Variants in COMMD1 observed in about 807,000 individuals in gnomAD.
The protein encoded by COMMD1 is copper metabolism domain containing 1.
In COMMD1, 10 loss-of-function variants were observed where a neutral mutation model predicts 17.2. That is an observed-to-expected ratio of 0.58 (90% CI 0.36 to 0.99). The LOEUF (loss-of-function observed/expected upper bound fraction) is 0.99. Among genes scored for constraint, COMMD1 ranks in the 50% least tolerant of loss-of-function variants. The pLI is 0.01. For missense variants in COMMD1, 270 were observed against 231.8 expected (o/e 1.17, Z -1.07); for synonymous variants, 97 against 91.6 (o/e 1.06, Z -0.34).
At chr2:62,068,267 C>T (rs1344350853) in intron 2 of COMMD1, among the ~76,000 whole-genome samples, 1 of 152,142 alleles carries the variant, frequency 6.6e-6, no homozygotes, top group East Asian at 1.9e-4. Flanking sequence ...GACCTTGAAC[C>T]ACATACGAAC....
intron 2 of COMMD1, among the ~76,000 whole-genome samples, chr2:62,126,461 C>T (rs1167745631): frequency 6.6e-6 from 1 of 152,186 alleles, no homozygotes; most frequent in Non-Finnish European, 1.5e-5. Context: ...TAATAATTGC[C>T]ATTCTGACTG....
chr2:61,937,158 A>G (rs1406434610), intron 1 of COMMD1, among the ~76,000 whole-genome samples: 2 of 152,230 alleles, frequency 1.3e-5, no homozygotes, highest in East Asian at 1.9e-4. Flanking sequence ...AGCAGACTTT[A>G]TAGAAAATAG....
At chr2:62,009,903 G>A (rs1669231215) in intron 2 of COMMD1, among the ~76,000 whole-genome samples, 1 of 152,122 alleles carries the variant, frequency 6.6e-6, no homozygotes, top group African/African-American at 2.4e-5. Flanking sequence ...TGAAATACTT[G>A]TAGTAACTAG....
intron 1 of COMMD1, among the ~76,000 whole-genome samples, chr2:61,892,995 G>C (rs1238784518): frequency 1.3e-5 from 2 of 151,816 alleles, no homozygotes; most frequent in Non-Finnish European, 2.9e-5. Context: ...AACCTCCCGA[G>C]TAGCTGGGAC....
chr2:62,035,028 A>T (rs1200097663), intron 2 of COMMD1, among the ~76,000 whole-genome samples: 1 of 152,214 alleles, frequency 6.6e-6, no homozygotes, highest in Non-Finnish European at 1.5e-5. Flanking sequence ...TCTGTGAAGC[A>T]TGTAGGAAGT....
At chr2:62,127,816 G>C (rs1291489806) in intron 2 of COMMD1, among the ~76,000 whole-genome samples, 1 of 150,496 alleles carries the variant, frequency 6.6e-6, no homozygotes, top group African/African-American at 2.5e-5. Context: ...TTGAGGTCAA[G>C]AGTTTGAGAC....
intron 1 of COMMD1, among the ~76,000 whole-genome samples, chr2:61,911,677 C>T (rs1669911845): frequency 6.6e-6 from 1 of 152,126 alleles, no homozygotes; most frequent in African/African-American, 2.4e-5. Context: ...CATATAGTGG[C>T]CTTCCTGTTC....
At chr2:61,973,238 C>A (rs1174037903) in intron 1 of COMMD1, among the ~76,000 whole-genome samples, 1 of 152,132 alleles carries the variant, frequency 6.6e-6, no homozygotes, top group Admixed American at 6.5e-5. Flanking sequence ...AACTCCTAGT[C>A]CCTAGGTACA....
At chr2:61,983,863 T>G (rs1672025712) in intron 1 of COMMD1, among the ~76,000 whole-genome samples, 1 of 152,224 alleles carries the variant, frequency 6.6e-6, no homozygotes, top group Admixed American at 6.5e-5. Flanking sequence ...ATTTCTTTGC[T>G]TCTACTGACT....
intron 2 of COMMD1, among the ~76,000 whole-genome samples, chr2:62,112,247 G>A (rs1180822024): frequency 1.3e-5 from 2 of 152,208 alleles, no homozygotes; most frequent in Non-Finnish European, 2.9e-5. Context: ...AGGGCAAACA[G>A]TGTGCCTGAT....
Position 62,005,794 on chromosome 2 carries a change from T to G in COMMD1, c.462+4812T>G, listed in dbSNP as rs565043952. 2.6e-3 allele frequency among the ~76,000 whole-genome samples: 401 copies of G among 151,760 alleles called. 1 individual carries two copies. The highest frequency in any genetic ancestry group is 8.6e-3 in the African/African-American group (354 of 41,400). ...TTGTGGAAGTCAGTGTGGCGATTCCTCAGGGATCTAGAACTAGAAATACCA... is the reference window on the plus strand; with the variant it reads ...TTGTGGAAGTCAGTGTGGCGATTCCGCAGGGATCTAGAACTAGAAATACCA... On this transcript the variant is annotated intron_variant, in intron 2 of 2. Coordinates refer to ENST00000311832, the MANE Select transcript of COMMD1 (RefSeq NM_152516.4).
At chr2:62,031,103 A>G (rs952857376) in intron 2 of COMMD1, among the ~76,000 whole-genome samples, 5 of 152,192 alleles carry the variant, frequency 3.3e-5, no homozygotes, top group South Asian at 2.1e-4. Flanking sequence ...TGAATTCTCT[A>G]TATTCTGGCC....
In COMMD1 at chr2:62,117,356, C is replaced by A. The variant is rs1467949908; in HGVS notation, c.463-18475C>A. The stretch of plus-strand genomic sequence containing the variant: ...TGTTAGACTGGCAACACCCTGCTTT[C>A]CTTTGAGTCTTTCTTAAAGTTAACT... On this transcript the variant is annotated intron_variant, in intron 2 of 2. Coordinates refer to ENST00000311832, the MANE Select transcript of COMMD1 (RefSeq NM_152516.4). 3.9e-5 allele frequency among the ~76,000 whole-genome samples: 6 copies of A among 152,316 alleles called. No homozygotes were observed. In the East Asian group the frequency reaches 9.6e-4, roughly 24 times the overall value.
At chr2:62,104,337 T>C (rs917576831) in intron 2 of COMMD1, among the ~76,000 whole-genome samples, 20 of 151,102 alleles carry the variant, frequency 1.3e-4, no homozygotes, top group African/African-American at 4.4e-4. Context: ...ACAAAAAGTT[T>C]AGAAGAAAAC....
chr2:61,892,688 C>CT (rs752193146), intron 1 of COMMD1, among the ~76,000 whole-genome samples: 68 of 145,746 alleles, frequency 4.7e-4, no homozygotes, highest in Non-Finnish European at 7.7e-4. Flanking sequence ...GAGGGAAACT[C>CT]TGTCTCAAAA....
intron 1 of COMMD1, among the ~76,000 whole-genome samples, chr2:61,981,225 C>T (rs943708547): frequency 6.6e-6 from 1 of 152,176 alleles, no homozygotes; most frequent in African/African-American, 2.4e-5. Context: ...GGAATCTTTG[C>T]CCAGTCCAAT....
intron 1 of COMMD1, among the ~76,000 whole-genome samples, chr2:61,946,302 G>A (rs900471881): frequency 1.3e-5 from 2 of 152,060 alleles, no homozygotes; most frequent in African/African-American, 4.8e-5. Flanking sequence ...CTTTCAAGGG[G>A]CCCTCTGGAA....
At chr2:61,913,051 G>A (rs1259649105) in intron 1 of COMMD1, among the ~76,000 whole-genome samples, 4 of 151,846 alleles carry the variant, frequency 2.6e-5, no homozygotes, top group African/African-American at 9.7e-5. Context: ...GGCAACAGAG[G>A]GAGACTCCAT....
intron 1 of COMMD1, among the ~76,000 whole-genome samples, chr2:61,954,686 T>A (rs1671147597): frequency 6.6e-6 from 1 of 151,154 alleles, no homozygotes; most frequent in African/African-American, 2.4e-5. Context: ...TCTCTCTCTC[T>A]CTTTTTTTTT....
Sources: allele counts gnomAD v4.1 joint callset (sites outside exome capture counted in the v4.1 genomes callset), GRCh38; gene constraint gnomAD v4.1.1; transcripts MANE v1.5; gene names NCBI Gene and HGNC (gene_info 2026-07-23, HGNC 2026-07-21).